The following DLG2 variants were observed in gnomAD, a reference collection of about 807,000 sequenced individuals.
The protein encoded by DLG2 is disks large homolog 2.
DLG2 carries 45 observed loss-of-function variants against 132.5 expected under a neutral mutation model. The observed-to-expected ratio is 0.34, with a 90% CI of 0.27 to 0.44. The LOEUF (loss-of-function observed/expected upper bound fraction) is 0.44, where lower values mean the gene tolerates loss of function less well. Among genes scored for constraint, DLG2 ranks in the 20% least tolerant of loss-of-function variants. The pLI, the probability that DLG2 is intolerant of heterozygous loss-of-function variation, is 1.00. For synonymous variants in DLG2, 424 were observed against 419.6 expected, an observed-to-expected ratio of 1.01 and a Z score of -0.13; for missense variants, 1,045 against 1,196.9, an observed-to-expected ratio of 0.87 and a Z score of 1.87.
intron 3 of DLG2, among the ~76,000 whole-genome samples, chr11:85,386,029 GT>G (rs2152937433): frequency 6.6e-6 from 1 of 152,168 alleles, no homozygotes; most frequent in East Asian, 1.9e-4. Context: ...TTTTACATGT[GT>G]TTTCTTTAAG....
chr11:85,399,705 T>C (rs1356837255), intron 3 of DLG2, among the ~76,000 whole-genome samples: 1 of 152,172 alleles, frequency 6.6e-6, no homozygotes, highest in Non-Finnish European at 1.5e-5. Context: ...TAATAAATGG[T>C]GCTGGGAAAA....
At chr11:84,649,553 T>C (rs1396331958) in intron 6 of DLG2, among the ~76,000 whole-genome samples, 1 of 152,224 alleles carries the variant, frequency 6.6e-6, no homozygotes, top group Non-Finnish European at 1.5e-5. Flanking sequence ...AAGCTACTCA[T>C]AGTGGCTATG....
At chr11:83,652,370 G>A (rs2070816560) in intron 18 of DLG2, among the ~76,000 whole-genome samples, 1 of 152,060 alleles carries the variant, frequency 6.6e-6, no homozygotes, top group Non-Finnish European at 1.5e-5. Context: ...GCAGAGGTGT[G>A]GTTTGTTTTT....
chr11:85,192,792 T>C (rs2080702090), intron 4 of DLG2, among the ~76,000 whole-genome samples: 1 of 152,216 alleles, frequency 6.6e-6, no homozygotes, highest in South Asian at 2.1e-4. Context: ...TATCTTTTTA[T>C]ATTCAGATGC....
intron 18 of DLG2, chr11:83,725,236 C>T (rs767450512): frequency 8.2e-6 from 2 of 243,168 alleles, no homozygotes; most frequent in Non-Finnish European, 1.6e-5. Context: ...TGAAAACCTG[C>T]CTGGGGAGGC....
intron 6 of DLG2, among the ~76,000 whole-genome samples, chr11:85,047,333 T>G (rs1317039535): frequency 6.6e-6 from 1 of 151,944 alleles, no homozygotes; most frequent in Non-Finnish European, 1.5e-5. Context: ...GCAAACATTT[T>G]GAAATCTAAA....
intron 6 of DLG2, among the ~76,000 whole-genome samples, chr11:84,916,940 C>G (rs548065653): frequency 2.0e-5 from 3 of 152,300 alleles, no homozygotes; most frequent in South Asian, 2.1e-4. Context: ...TTACTCCAAG[C>G]CATATTCTCA....
intron 21 of DLG2, among the ~76,000 whole-genome samples, chr11:83,489,268 A>G (rs2138027035): frequency 6.6e-6 from 1 of 152,174 alleles, no homozygotes; most frequent in South Asian, 2.1e-4. Flanking sequence ...ACAGAGAAAC[A>G]TGGTAATTCC....
At chr11:84,889,462 A>C (rs1464342747) in intron 6 of DLG2, among the ~76,000 whole-genome samples, 1 of 152,098 alleles carries the variant, frequency 6.6e-6, no homozygotes, top group Non-Finnish European at 1.5e-5. Context: ...TATTTGGGGA[A>C]AATTAATTGG....
At chr11:84,357,947 G>A (rs1179544272) in intron 7 of DLG2, among the ~76,000 whole-genome samples, 2 of 151,574 alleles carry the variant, frequency 1.3e-5, no homozygotes, top group African/African-American at 4.8e-5. Flanking sequence ...TAAAACATTG[G>A]TATATATACC....
At chr11:83,725,551 G>A (rs1264827744) in intron 18 of DLG2, 1 of 152,178 alleles carries the variant, frequency 6.6e-6, no homozygotes, top group Non-Finnish European at 1.5e-5. Flanking sequence ...GCAAAACCAA[G>A]TCAAGAAATA....
chr11:84,514,457 A>G (rs1335750012), intron 7 of DLG2, among the ~76,000 whole-genome samples: 1 of 152,118 alleles, frequency 6.6e-6, no homozygotes, highest in Non-Finnish European at 1.5e-5. Flanking sequence ...CCATCAACAC[A>G]TGGATGGATA....
At chr11:84,237,000 C>G (rs564174434) in intron 8 of DLG2, among the ~76,000 whole-genome samples, 8 of 150,764 alleles carry the variant, frequency 5.3e-5, no homozygotes, top group African/African-American at 2.0e-4. Flanking sequence ...ATCATCTCGG[C>G]TCACTGCAAC....
chr11:84,243,564 G>A (rs1213709141), intron 8 of DLG2, among the ~76,000 whole-genome samples: 1 of 152,192 alleles, frequency 6.6e-6, no homozygotes. Flanking sequence ...ACTTAAATAT[G>A]CATACAAATC....
chr11:83,940,000 A>G (rs1306817297), intron 14 of DLG2, among the ~76,000 whole-genome samples: 1 of 152,192 alleles, frequency 6.6e-6, no homozygotes, highest in Non-Finnish European at 1.5e-5. Context: ...GAAGAGGTAC[A>G]TTTCCCTCTG....
chr11:84,692,312 T>G (rs2058137473), intron 6 of DLG2, among the ~76,000 whole-genome samples: 1 of 151,794 alleles, frequency 6.6e-6, no homozygotes, highest in Non-Finnish European at 1.5e-5. Flanking sequence ...TATAACTATC[T>G]TCATACTTAG....
chr11:84,296,217 T>C (rs536663890), intron 7 of DLG2, among the ~76,000 whole-genome samples: 2 of 152,226 alleles, frequency 1.3e-5, no homozygotes, highest in East Asian at 3.9e-4. Flanking sequence ...TCAAAATTCC[T>C]CTTAGAATTT....
At chr11:85,065,304 T>C (rs2064741350) in intron 6 of DLG2, among the ~76,000 whole-genome samples, 1 of 151,508 alleles carries the variant, frequency 6.6e-6, no homozygotes, top group South Asian at 2.1e-4. Flanking sequence ...CTAGTCTATG[T>C]AAAATGCAAA....
intron 4 of DLG2, among the ~76,000 whole-genome samples, chr11:85,231,806 T>C (rs948758609): frequency 7.2e-5 from 11 of 151,898 alleles, no homozygotes; most frequent in Non-Finnish European, 1.3e-4. Context: ...GCCCAATGAC[T>C]AACATGTTCA....
Sources: gnomAD v4.1 joint callset for allele counts (sites outside exome capture counted in the v4.1 genomes callset) on GRCh38, gnomAD v4.1.1 for gene constraint, MANE v1.5 for transcripts, NCBI Gene and HGNC (gene_info 2026-07-23, HGNC 2026-07-21) for gene names.